The following NF1 variants were observed in gnomAD, a reference collection of about 807,000 sequenced individuals.
The protein encoded by NF1 is neurofibromin 1.
In NF1, 122 loss-of-function variants were observed where a neutral mutation model predicts 325.7. The observed-to-expected ratio is 0.37, with a 90% CI of 0.32 to 0.44. The LOEUF (loss-of-function observed/expected upper bound fraction) is 0.44, where lower values mean the gene tolerates loss of function less well. Among genes scored for constraint, NF1 ranks in the 20% least tolerant of loss-of-function variants. The pLI is 1.00. For missense variants in NF1, 2,140 were observed against 3,415.4 expected, an observed-to-expected ratio of 0.63 and a Z score of 9.31; for synonymous variants, 1,091 against 1,186.0, an observed-to-expected ratio of 0.92 and a Z score of 1.65.
intron 36 of NF1, among the ~76,000 whole-genome samples, chr17:31,307,029 A>AT (rs886478261): frequency 6.2e-4 from 91 of 147,436 alleles, no homozygotes; most frequent in Admixed American, 9.5e-4. Context: ...AATTACAATA[A>AT]TTTTTTTTTT....
In NF1 at chr17:31,235,609, A is replaced by G. The variant is rs1597722374; in HGVS notation, c.3709-2A>G. ...ACTAACCTGATTTTGTTTTGTTCTC[A>G]GGATGAACTAGCTCGAGTTCTGGTT... On this transcript the variant is annotated splice_acceptor_variant, in intron 27 of 57. Transcript: ENST00000358273. LOFTEE classifies it high-confidence loss of function. 1 of 1,613,886 alleles carries G rather than the reference A, an allele frequency of 6.2e-7. No individual in the cohort carries two copies.
At chr17:31,125,602 T>C (rs1378851509) in intron 1 of NF1, among the ~76,000 whole-genome samples, 2 of 151,992 alleles carry the variant, frequency 1.3e-5, no homozygotes, top group East Asian at 3.8e-4. Flanking sequence ...AATGGCACGA[T>C]CTGGACTCAC....
intron 29 of NF1, among the ~76,000 whole-genome samples, chr17:31,247,818 T>C (rs1455849925): frequency 6.6e-6 from 1 of 152,244 alleles, no homozygotes; most frequent in Non-Finnish European, 1.5e-5. Context: ...GAACTATATC[T>C]TCATCTATCA....
chr17:31,336,725 A>G lies in NF1; in HGVS notation c.6238A>G (p.Ile2080Val), dbSNP rs2069684102. ...ACATCTTATGTGGGATGATATTGCT[A>G]TTTTAGCACGCTACATGCTGATGCT... ...EQHLMWDDIA[I>V]LARYMLMLSF... Residue 2080 changes from isoleucine to valine, a missense_variant, in exon 42 of 58, where the codon ATT becomes GTT. Physicochemically the swap from Ile to Val is conservative, Grantham distance 29 (BLOSUM62 3). Coordinates refer to ENST00000358273, the MANE Select transcript of NF1 (RefSeq NM_001042492.3). This position sits in a 1 kb window ranked among gnomAD's most constrained non-coding sequence, Gnocchi z 5.5. The G allele has an allele frequency of 6.2e-7, 1 of 1,614,010 alleles. No individual in the cohort carries two copies. The highest frequency in any genetic ancestry group is 8.5e-7 in the Non-Finnish European group (1 of 1,180,016).
At chr17:31,214,678 CAA>C (rs1335996025) in intron 13 of NF1, 93 bp downstream of exon 13, 10 of 1,245,108 alleles carry the variant, frequency 8.0e-6, no homozygotes, top group Non-Finnish European at 3.5e-6. Flanking sequence ...ATTTTTAGCT[CAA>C]GAGCACTTAC....
chr17:31,145,516 A>C (rs559628851), intron 1 of NF1, among the ~76,000 whole-genome samples: 2 of 151,962 alleles, frequency 1.3e-5, no homozygotes, highest in Non-Finnish European at 2.9e-5. Context: ...TTTTTACTTC[A>C]TTTAGGTCTC....
At chr17:31,277,483 GTGCTGACTAACATAACTACA>G (rs2068030912) in intron 36 of NF1, among the ~76,000 whole-genome samples, 1 of 152,106 alleles carries the variant, frequency 6.6e-6, no homozygotes, top group Non-Finnish European at 1.5e-5. Context: ...AAATTAGTTC[GTGCTGACTAACATAACTACA>G]TGCTGGACAT....
chr17:31,342,894 T>C, intron 47 of NF1, 115 bp from the exon 48 acceptor site: 9 of 1,321,866 alleles, frequency 6.8e-6, no homozygotes, highest in Non-Finnish European at 8.6e-6. Context: ...AAATAATTTC[T>C]CTCAAATTGA....
chr17:31,352,645 A>G (rs2070179911), intron 51 of NF1, among the ~76,000 whole-genome samples: 1 of 152,114 alleles, frequency 6.6e-6, no homozygotes, highest in African/African-American at 2.4e-5. Context: ...TATACTAAAT[A>G]TTGTGACTCT....
chr17:31,286,754 G>A (rs1329390736), intron 36 of NF1, among the ~76,000 whole-genome samples: 1 of 152,182 alleles, frequency 6.6e-6, no homozygotes, highest in Non-Finnish European at 1.5e-5. Flanking sequence ...ATGTGATAAT[G>A]GTTGCTGAGG....
intron 36 of NF1, chr17:31,296,679 G>T: frequency 3.6e-6 from 1 of 276,418 alleles, no homozygotes; most frequent in South Asian, 4.3e-5. Flanking sequence ...ATAAATAGTT[G>T]CAGTTGTAGG....
At chr17:31,309,026 A>T (rs1283938867) in intron 36 of NF1, among the ~76,000 whole-genome samples, 2 of 152,156 alleles carry the variant, frequency 1.3e-5, no homozygotes, top group Non-Finnish European at 2.9e-5. Flanking sequence ...ATTTCACAGA[A>T]CCTTCAAATG....
At chr17:31,273,471 AG>A (rs1234600124) in intron 36 of NF1, 1 of 152,246 alleles carries the variant, frequency 6.6e-6, no homozygotes, top group African/African-American at 2.4e-5. Context: ...CTAGAACTTA[AG>A]TCTGTGACTT....
chr17:31,287,958 C>T (rs2068269204), intron 36 of NF1, among the ~76,000 whole-genome samples: 1 of 148,698 alleles, frequency 6.7e-6, no homozygotes. Flanking sequence ...GGAGGGATAG[C>T]ATTGGGAGAT....
intron 12 of NF1, among the ~76,000 whole-genome samples, chr17:31,213,701 C>CAT (rs2066770284): frequency 6.6e-6 from 1 of 152,158 alleles, no homozygotes; most frequent in African/African-American, 2.4e-5. Flanking sequence ...TTTAATTCAT[C>CAT]ATATGTCTCT....
At chr17:31,162,321 A>T (rs2065776979) in intron 3 of NF1, among the ~76,000 whole-genome samples, 1 of 152,124 alleles carries the variant, frequency 6.6e-6, no homozygotes, top group Non-Finnish European at 1.5e-5. Context: ...TACTAAAAAT[A>T]CAAAAATTAG....
At chr17:31,181,380 A>G (rs747724145) in intron 5 of NF1, 42 bp from the exon 6 acceptor site, 1 of 1,548,536 alleles carries the variant, frequency 6.5e-7, no homozygotes, top group South Asian at 1.1e-5. Context: ...ATTTGTGTTA[A>G]CTTATTCTAG....
intron 45 of NF1, 105 bp from the exon 46 acceptor site, chr17:31,338,599 A>C: frequency 1.3e-6 from 1 of 768,244 alleles, no homozygotes; most frequent in Non-Finnish European, 2.3e-6. Context: ...TCATTCTAGC[A>C]TTTATTAAAT....
At chr17:31,345,433 G>C in intron 48 of NF1, 1 of 1,286,856 alleles carries the variant, frequency 7.8e-7, no homozygotes, top group East Asian at 2.5e-5. Context: ...GCCAGAGGTA[G>C]GGGGCCGAGA....
Sources: allele counts gnomAD v4.1 joint callset (sites outside exome capture counted in the v4.1 genomes callset), GRCh38; gene constraint gnomAD v4.1.1; non-coding constraint Gnocchi (gnomAD v3.1); transcripts MANE v1.5; gene names NCBI Gene and HGNC (gene_info 2026-07-23, HGNC 2026-07-21).